The following ZNF512 variants were observed in gnomAD, a reference collection of about 807,000 sequenced individuals.
ZNF512 encodes zinc finger protein 512.
Under a neutral mutation model 77.5 loss-of-function variants are expected in ZNF512, and 25 were observed. The ratio of observed to expected loss-of-function variants is 0.32; its 90% CI spans 0.23 to 0.45. The LOEUF is 0.45. Ranked by LOEUF, ZNF512 falls within the 20% of genes least tolerant of loss-of-function variation. The pLI is 1.00. For synonymous variants in ZNF512, 246 were observed against 239.9 expected, an observed-to-expected ratio of 1.03 and a Z score of -0.24; for missense variants, 483 against 692.6, an observed-to-expected ratio of 0.70 and a Z score of 3.40.
chr2:27,609,444 A>G (rs1383254348), intron 10 of ZNF512, among the ~76,000 whole-genome samples: 1 of 152,156 alleles, frequency 6.6e-6, no homozygotes, highest in East Asian at 1.9e-4. Flanking sequence ...AATATTTGTT[A>G]ACTGGCTGGG....
At chr2:27,600,115 T>C in intron 5 of ZNF512, 62 bp downstream of exon 5, 1 of 1,562,194 alleles carries the variant, frequency 6.4e-7, no homozygotes, top group Non-Finnish European at 8.8e-7. Context: ...GTTGTTGGTG[T>C]TGTCTGTGAA....
chr2:27,593,236 ACACACACAC>A (rs1671679765), intron 2 of ZNF512, among the ~76,000 whole-genome samples: 1 of 148,986 alleles, frequency 6.7e-6, no homozygotes, highest in Non-Finnish European at 1.5e-5. Context: ...ACACACACAC[ACACACACAC>A]AAAAGAATGA....
chr2:27,606,429 C>G (rs1305825250), intron 9 of ZNF512, among the ~76,000 whole-genome samples: 2 of 151,530 alleles, frequency 1.3e-5, no homozygotes, highest in Non-Finnish European at 2.9e-5. Context: ...GTGGTGCGAT[C>G]TTGGCTCACT....
intron 10 of ZNF512, among the ~76,000 whole-genome samples, chr2:27,610,010 T>C (rs1672540565): frequency 6.6e-6 from 1 of 150,478 alleles, no homozygotes; most frequent in Non-Finnish European, 1.5e-5. Context: ...CACTGCAATC[T>C]AGCCTGGGCC....
In ZNF512 at chr2:27,621,505, G is replaced by A; in HGVS notation, c.*44G>A. On this transcript the variant is annotated 3_prime_UTR_variant, in exon 14 of 14. Coordinates refer to ENST00000355467, the MANE Select transcript of ZNF512 (RefSeq NM_032434.4). Reference sequence around the variant, plus strand: ...CTCCTAGGAAAGCAGATGTGATGCTGTTGTCACGGGGACCTGTGCTGGGAG... The same window carrying A: ...CTCCTAGGAAAGCAGATGTGATGCTATTGTCACGGGGACCTGTGCTGGGAG... The A allele has an allele frequency of 1.3e-6, 2 of 1,546,722 alleles. No homozygotes were observed. The highest frequency in any genetic ancestry group is 1.9e-5 in the Admixed American group (1 of 53,484).
At position 27,603,322 on chromosome 2, in the gene ZNF512, C is replaced by G. The variant is rs1302874310; in HGVS notation, c.936+15C>G. 1 of 1,612,410 alleles carries G rather than the reference C, an allele frequency of 6.2e-7. No homozygotes were observed. The highest frequency in any genetic ancestry group is 1.3e-5 in the African/African-American group (1 of 74,880). On this transcript the variant is annotated intron_variant, in intron 9 of 13. Coordinates refer to ENST00000355467, the MANE Select transcript of ZNF512 (RefSeq NM_032434.4). ...AGCATGGGCCTGTGAGTACTGATTC[C>G]TTTCTATACCCTGCGTGGGGATGTA...
At chr2:27,603,991 A>G (rs1672248845) in intron 9 of ZNF512, among the ~76,000 whole-genome samples, 1 of 152,166 alleles carries the variant, frequency 6.6e-6, no homozygotes, top group Admixed American at 6.5e-5. Flanking sequence ...CTGTAGAGCA[A>G]TCTTGGCTCA....
intron 12 of ZNF512, among the ~76,000 whole-genome samples, chr2:27,616,826 A>G (rs1672902920): frequency 6.6e-6 from 1 of 152,192 alleles, no homozygotes; most frequent in Non-Finnish European, 1.5e-5. Context: ...CAGGTGTCCT[A>G]CAACCTACCA....
intron 2 of ZNF512, among the ~76,000 whole-genome samples, chr2:27,590,578 T>G (rs1394430993): frequency 6.6e-6 from 1 of 152,230 alleles, no homozygotes; most frequent in Non-Finnish European, 1.5e-5. Flanking sequence ...TGGATAGGTC[T>G]GCCCTTTTAT....
At chr2:27,595,976 C>A (rs926536313) in intron 2 of ZNF512, among the ~76,000 whole-genome samples, 1 of 152,076 alleles carries the variant, frequency 6.6e-6, no homozygotes, top group African/African-American at 2.4e-5. Flanking sequence ...GGAATTTATC[C>A]TCATCATTGT....
rs567600134 is a variant in ZNF512, at chr2:27,604,820, C to T, written c.936+1513C>T. Among the ~76,000 whole-genome samples, 3 of 152,252 alleles carry T rather than the reference C, an allele frequency of 2.0e-5. No homozygotes were observed. The South Asian group carries it at 6.2e-4, about 32-fold the overall frequency. ...AGATGTTTTACAATTCCATCACTAC[C>T]TCAAGTTGACTTGTGTCCCTTTAGT... On this transcript the variant is annotated intron_variant, in intron 9 of 13. Transcript: ENST00000355467.
intron 3 of ZNF512, among the ~76,000 whole-genome samples, chr2:27,598,547 T>C (rs1375410441): frequency 6.7e-6 from 1 of 150,220 alleles, no homozygotes; most frequent in African/African-American, 2.5e-5. Context: ...GAGAATGGCA[T>C]GAACCTGGGA....
intron 10 of ZNF512, among the ~76,000 whole-genome samples, chr2:27,609,544 A>T (rs937578908): frequency 6.6e-6 from 1 of 152,116 alleles, no homozygotes; most frequent in African/African-American, 2.4e-5. Flanking sequence ...CCTGGTCAAC[A>T]TGATGAAACC....
At chr2:27,598,766 A>C (rs1671984241) in intron 3 of ZNF512, among the ~76,000 whole-genome samples, 1 of 152,136 alleles carries the variant, frequency 6.6e-6, no homozygotes, top group Non-Finnish European at 1.5e-5. Context: ...AATTCTGCTA[A>C]TCTTACTCCT....
At chr2:27,592,389 C>T (rs1449741368) in intron 2 of ZNF512, among the ~76,000 whole-genome samples, 1 of 151,662 alleles carries the variant, frequency 6.6e-6, no homozygotes, top group African/African-American at 2.4e-5. Flanking sequence ...GATCTCGGCT[C>T]ACTGCATCCT....
chr2:27,615,313 A>C, intron 11 of ZNF512, 44 bp downstream of exon 11: 1 of 1,287,406 alleles, frequency 7.8e-7, no homozygotes, highest in Non-Finnish European at 1.1e-6. Flanking sequence ...TTTATCAAGC[A>C]TCTGCTCTTG....
At chr2:27,603,342 G>A (rs2148024353) in intron 9 of ZNF512, 35 bp downstream of exon 9, 1 of 1,606,666 alleles carries the variant, frequency 6.2e-7, no homozygotes, top group South Asian at 1.1e-5. Context: ...CCTGCGTGGG[G>A]ATGTATTTCG....
intron 2 of ZNF512, among the ~76,000 whole-genome samples, chr2:27,587,987 G>A (rs1265850802): frequency 1.3e-5 from 2 of 151,882 alleles, no homozygotes; most frequent in Admixed American, 6.6e-5. Context: ...GCCTTCATCT[G>A]TTCCTATTCT....
rs755043184 is a variant in ZNF512, at chr2:27,616,327, T to C, written c.1296+3T>C. ...CTCACCTGGGCTCTTGTACATTGGT[T>C]TGTAACTTTTTAAACTTACTATCTT... On this transcript the variant is annotated splice_donor_region_variant and intron_variant, in intron 12 of 13. Coordinates refer to ENST00000355467, the MANE Select transcript of ZNF512 (RefSeq NM_032434.4). The C allele has an allele frequency of 3.7e-6, 6 of 1,612,192 alleles. No individual in the cohort carries two copies. In the South Asian group the frequency reaches 6.6e-5, roughly 18 times the overall value.
Sources: gnomAD v4.1 joint callset for allele counts (sites outside exome capture counted in the v4.1 genomes callset) on GRCh38, gnomAD v4.1.1 for gene constraint, MANE v1.5 for transcripts, NCBI Gene and HGNC (gene_info 2026-07-23, HGNC 2026-07-21) for gene names.